Variants in FN1 observed in about 807,000 individuals in gnomAD.
The protein encoded by FN1 is fibronectin 1, also known as fibronectin.
FN1 carries 106 observed loss-of-function variants against 297.3 expected under a neutral mutation model. The observed-to-expected ratio is 0.36, with a 90% CI of 0.30 to 0.42. FN1 has a LOEUF of 0.42. FN1 is among the 10% of genes least tolerant of loss of function. The probability of loss-of-function intolerance (pLI) is 1.00; values close to 1 mark genes in which losing one functional copy is unlikely to be tolerated. For synonymous variants in FN1, 1,149 were observed against 1,152.6 expected (o/e 1.00, Z 0.06); for missense variants, 2,690 against 3,124.9 (o/e 0.86, Z 3.32).
intron 39 of FN1, 93 bp downstream of exon 39, chr2:215,373,229 C>A (rs573459156): frequency 2.0e-6 from 2 of 991,188 alleles, no homozygotes; most frequent in African/African-American, 1.6e-5. Flanking sequence ...AGAAATGCAT[C>A]AAAACATGGA....
intron 19 of FN1, 31 bp from the exon 20 acceptor site, chr2:215,404,686 T>C (rs755244573): frequency 6.3e-7 from 1 of 1,597,154 alleles, no homozygotes; most frequent in Non-Finnish European, 8.6e-7. Flanking sequence ...TGCCAAGAAA[T>C]ATTTAGATCA....
intron 43 of FN1, 83 bp downstream of exon 43, chr2:215,365,422 C>A: frequency 6.9e-7 from 1 of 1,452,026 alleles, no homozygotes; most frequent in South Asian, 1.1e-5. Flanking sequence ...AGTCTCCAAT[C>A]ATTTCTGTGA....
At chr2:215,387,083 A>G (rs574015134) in intron 27 of FN1, 125 bp from the exon 28 acceptor site, 1 of 789,804 alleles carries the variant, frequency 1.3e-6, no homozygotes, top group African/African-American at 1.7e-5. Flanking sequence ...CATCAATACC[A>G]TGATTTGCCA....
chr2:215,404,344 A>T, intron 20 of FN1, 45 bp downstream of exon 20: 1 of 1,542,650 alleles, frequency 6.5e-7, no homozygotes, highest in Non-Finnish European at 9.0e-7. Context: ...TGAAGAATAG[A>T]GAATGTAAAT....
chr2:215,407,944 C>T (rs1039530213), intron 17 of FN1, among the ~76,000 whole-genome samples, 164 bp downstream of exon 17: 17 of 14,116 alleles, frequency 1.2e-3, no homozygotes, highest in African/African-American at 2.5e-3. Context: ...AAATAACTCC[C>T]CCACCCCCGC....
Position 215,381,633 on chromosome 2 carries a change from C to A in FN1, c.5165-553G>T, listed in dbSNP as rs756369853. The A allele has an allele frequency of 3.1e-4, 64 of 204,234 alleles. 1 individual carries two copies. The highest frequency in any genetic ancestry group is 1.5e-4 in the Non-Finnish European group (15 of 100,114). 12.7% of individuals were successfully genotyped at this position (204,234 alleles called of 1,614,324 possible). A position where few individuals can be genotyped will look rare whatever the true frequency, so the allele number is the denominator to read the frequency against. On this transcript the variant is annotated intron_variant, in intron 32 of 45. Coordinates refer to ENST00000354785, the MANE Select transcript of FN1 (RefSeq NM_212482.4). ...GGATTACAGGCACGTGCCACCGCGA[C>A]TGGCTAATTTTTGTATTTTTAGTAG...
At chr2:215,379,877 G>A (rs966234096) in intron 33 of FN1, 3 of 154,970 alleles carry the variant, frequency 1.9e-5, no homozygotes, top group Admixed American at 6.4e-5. Context: ...ATATTTTTTT[G>A]TAGAGACGGG....
In FN1 at chr2:215,401,227, A is replaced by AAGGAAGGAAGG. The variant is rs1559474709; in HGVS notation, c.3254-1877_3254-1876insCCTTCCTTCCT. Among the ~76,000 whole-genome samples, 119 of 56,540 alleles carry AAGGAAGGAAGG rather than the reference A, an allele frequency of 2.1e-3. 3 individuals carry two copies. The highest frequency in any genetic ancestry group is 8.1e-3 in the African/African-American group (114 of 14,126). 37.1% of individuals were successfully genotyped at this position (56,540 alleles called of 152,430 possible). On this transcript the variant is annotated intron_variant, in intron 20 of 45. Coordinates refer to ENST00000354785, the MANE Select transcript of FN1 (RefSeq NM_212482.4). ...GAAAGAAAGAAAGAAAGAAAGAAAG[A>AAGGAAGGAAGG]AAGAAAGAAAGAAAGAAAGAAAGGA...
chr2:215,373,781 C>T (rs1238612244), intron 38 of FN1, among the ~76,000 whole-genome samples: 1 of 150,622 alleles, frequency 6.6e-6, no homozygotes, highest in Non-Finnish European at 1.5e-5. Flanking sequence ...CCAGGTTCAG[C>T]CATTCTCCTG....
chr2:215,424,452 G>T, intron 7 of FN1, 127 bp from the exon 8 acceptor site: 1 of 737,004 alleles, frequency 1.4e-6, no homozygotes, highest in Admixed American at 2.5e-5. Context: ...GAGTATAGAT[G>T]ATCATCTCGT....
chr2:215,391,870 C>T lies in FN1; in HGVS notation c.4070-56G>A, dbSNP rs548300537. On this transcript the variant is annotated intron_variant, in intron 25 of 45. Coordinates refer to ENST00000354785, the MANE Select transcript of FN1 (RefSeq NM_212482.4). ...AATGTAATTTTAAAATTAAAGCTAA[C>T]GAAGTAGCTGGAAAGGTAAAATCAA... 154 of 1,488,514 alleles carry T rather than the reference C, an allele frequency of 1.0e-4. 1 individual carries two copies. In the South Asian group the frequency reaches 1.5e-3, roughly 14 times the overall value. 92.2% of individuals were successfully genotyped at this position (1,488,514 alleles called of 1,614,324 possible).
intron 42 of FN1, 138 bp downstream of exon 42, chr2:215,367,725 C>T (rs1369554075): frequency 7.1e-6 from 6 of 844,058 alleles, no homozygotes; most frequent in East Asian, 2.7e-5. Flanking sequence ...AATATTACTT[C>T]GAGTCAAACA....
In FN1 at chr2:215,368,098, G is replaced by A. The variant is rs1426389779; in HGVS notation, c.6854-71C>T. 5.3e-5 allele frequency: 78 copies of A among 1,474,220 alleles called. 1 individual carries two copies. Among genetic ancestry groups the A allele is most frequent in the South Asian group, 3.1e-4 (27 of 86,718 alleles). The allele number at this position is 1,474,220 out of a possible 1,614,324, so 91.3% of individuals were successfully genotyped here. On this transcript the variant is annotated intron_variant, in intron 41 of 45. Transcript: ENST00000354785. The stretch of plus-strand genomic sequence containing the variant: ...CGATTTGGACCATAAGAAGAAAATC[G>A]AATGACTGTATACAATGACTTAATC...
chr2:215,386,594 T>A, intron 28 of FN1, 95 bp downstream of exon 28: 3 of 311,170 alleles, frequency 9.6e-6, no homozygotes, highest in Non-Finnish European at 1.6e-5. Flanking sequence ...TTTTTTTTTT[T>A]GAGAGCTGAT....
At chr2:215,385,333 G>A (rs556770186) in intron 28 of FN1, among the ~76,000 whole-genome samples, 26 of 151,158 alleles carry the variant, frequency 1.7e-4, no homozygotes, top group African/African-American at 5.1e-4. Flanking sequence ...AGGCCGAGGC[G>A]GGTGGATCAT....
intron 9 of FN1, 112 bp downstream of exon 9, chr2:215,423,238 T>G: frequency 2.8e-6 from 3 of 1,081,118 alleles, no homozygotes; most frequent in Non-Finnish European, 4.2e-6. Context: ...AAGTTTTCTG[T>G]TGTCTCAAAA....
intron 35 of FN1, among the ~76,000 whole-genome samples, chr2:215,377,468 C>G (rs13385786): frequency 0.036 from 5,526 of 152,046 alleles, 146 homozygotes; most frequent in Non-Finnish European, 0.059. Flanking sequence ...GTCCTCCCCC[C>G]CCAACTCTCT....
chr2:215,399,146 A>G, intron 21 of FN1, 111 bp downstream of exon 21: 1 of 776,570 alleles, frequency 1.3e-6, no homozygotes, highest in Non-Finnish European at 2.3e-6. Flanking sequence ...GGACAGAAGC[A>G]GGTGACAAAA....
chr2:215,417,514 A>C (rs2063606567), intron 12 of FN1, among the ~76,000 whole-genome samples: 1 of 152,124 alleles, frequency 6.6e-6, no homozygotes, highest in Non-Finnish European at 1.5e-5. Context: ...TGCTAGTTTG[A>C]ACAACTCTAC....
Sources: gnomAD v4.1 joint callset for allele counts (sites outside exome capture counted in the v4.1 genomes callset) on GRCh38, gnomAD v4.1.1 for gene constraint, MANE v1.5 for transcripts, NCBI Gene and HGNC (gene_info 2026-07-23, HGNC 2026-07-21) for gene names.